PCCA: variants seen among roughly 807,000 people sequenced by gnomAD.
PCCA encodes the protein propionyl-CoA carboxylase alpha chain, mitochondrial.
Under a neutral mutation model 101.3 loss-of-function variants are expected in PCCA, and 74 were observed. The observed-to-expected ratio is 0.73, with a 90% CI of 0.61 to 0.89. PCCA has a LOEUF of 0.89. Among genes scored for constraint, PCCA ranks in the 40% least tolerant of loss-of-function variants. The pLI is 0.00. For synonymous variants in PCCA, 294 were observed against 313.6 expected (o/e 0.94, Z 0.66); for missense variants, 891 against 907.0 (o/e 0.98, Z 0.23).
intron 18 of PCCA, among the ~76,000 whole-genome samples, chr13:100,341,910 A>G (rs1430413773): frequency 2.7e-5 from 4 of 145,642 alleles, no homozygotes; most frequent in African/African-American, 2.6e-5. Context: ...CTGTAATCCC[A>G]TAATTATTCA....
Position 100,214,433 on chromosome 13 carries a change from G to GT in PCCA, c.600+4981dup, listed in dbSNP as rs1328567731. Among the ~76,000 whole-genome samples, 486 of 143,704 alleles carry GT rather than the reference G, an allele frequency of 3.4e-3. 2 individuals carry two copies. The highest frequency in any genetic ancestry group is 9.6e-3 in the African/African-American group (378 of 39,430). 94.3% of individuals were successfully genotyped at this position (143,704 alleles called of 152,430 possible). A position where few individuals can be genotyped will look rare whatever the true frequency, so the allele number is the denominator to read the frequency against. On this transcript the variant is annotated intron_variant, in intron 7 of 23. Transcript: ENST00000376285. ...TGTTTTTTTGTGTGTGTGTGTGTGTGTTTTTTTTTTTAGATGGAACCTCGC... is the reference window on the plus strand; with the variant it reads ...TGTTTTTTTGTGTGTGTGTGTGTGTGTTTTTTTTTTTTAGATGGAACCTCGC...
intron 19 of PCCA, among the ~76,000 whole-genome samples, chr13:100,386,389 T>C (rs1366426518): frequency 6.6e-6 from 1 of 152,194 alleles, no homozygotes; most frequent in Non-Finnish European, 1.5e-5. Context: ...TTTCTTTTTT[T>C]TTAAGACGGA....
intron 22 of PCCA, among the ~76,000 whole-genome samples, chr13:100,520,499 G>A (rs1461677163): frequency 1.3e-5 from 2 of 151,754 alleles, no homozygotes; most frequent in Non-Finnish European, 2.9e-5. Flanking sequence ...GCCGGGCGCA[G>A]TGGCGGGCGC....
At chr13:100,145,188 T>A (rs550230804) in intron 4 of PCCA, among the ~76,000 whole-genome samples, 10 of 152,278 alleles carry the variant, frequency 6.6e-5, no homozygotes, top group Admixed American at 1.3e-4. Flanking sequence ...GGTAAAAGAA[T>A]CCCAACCTAA....
chr13:100,227,024 G>T (rs1470701205), intron 7 of PCCA, among the ~76,000 whole-genome samples: 1 of 152,186 alleles, frequency 6.6e-6, no homozygotes, highest in African/African-American at 2.4e-5. Context: ...TTTTCTTTGA[G>T]ACGAAGTCTT....
intron 4 of PCCA, among the ~76,000 whole-genome samples, chr13:100,112,576 CTTTTTTTT>C (rs5806149): frequency 8.1e-6 from 1 of 124,036 alleles, no homozygotes; most frequent in East Asian, 2.5e-4. Context: ...CACAGCAGGC[CTTTTTTTT>C]TTTTTTTTTT....
At chr13:100,502,147 A>G (rs752944543) in intron 21 of PCCA, among the ~76,000 whole-genome samples, 11 of 152,114 alleles carry the variant, frequency 7.2e-5, no homozygotes, top group Non-Finnish European at 1.5e-4. Flanking sequence ...CCTATTTCTG[A>G]TTGTAAATTC....
intron 6 of PCCA, among the ~76,000 whole-genome samples, chr13:100,185,288 T>G (rs1273852270): frequency 6.6e-6 from 1 of 152,176 alleles, no homozygotes; most frequent in Admixed American, 6.5e-5. Flanking sequence ...ATCATATAGT[T>G]AAAAAAATTT....
At position 100,302,962 on chromosome 13, in the gene PCCA, A is replaced by G; in HGVS notation, c.1248A>G (p.Arg416=). Residue 416 remains arginine (R), a synonymous_variant, in exon 14 of 24, where the codon AGA becomes AGG. Transcript: ENST00000376285. ...CTTTTGGTTTACCATCTATTGGGAG[A>G]TTGTCTCAGTACCAAGAACCGTTAC... is the stretch of plus-strand genomic sequence containing the variant. ...YKSFGLPSIG[R]LSQYQEPLHL... 1 of 1,607,054 alleles carries G rather than the reference A, an allele frequency of 6.2e-7. No individual in the cohort carries two copies. Among genetic ancestry groups the G allele is most frequent in the South Asian group, 1.1e-5 (1 of 90,952 alleles).
intron 19 of PCCA, among the ~76,000 whole-genome samples, chr13:100,419,650 G>A (rs891200939): frequency 3.3e-5 from 5 of 152,226 alleles, no homozygotes. Context: ...GAGCTATGGA[G>A]TCGTGCATGT....
chr13:100,381,440 C>G (rs570847817), intron 19 of PCCA, among the ~76,000 whole-genome samples: 1 of 151,440 alleles, frequency 6.6e-6, no homozygotes, highest in African/African-American at 2.4e-5. Flanking sequence ...TTGAAACCTT[C>G]AAATGCTATT....
intron 19 of PCCA, among the ~76,000 whole-genome samples, chr13:100,371,123 A>G (rs1181481058): frequency 6.6e-6 from 1 of 152,232 alleles, no homozygotes; most frequent in Non-Finnish European, 1.5e-5. Flanking sequence ...TCTTTACATC[A>G]TCCTGTTCCA....
rs560330660 is a variant in PCCA, at chr13:100,240,857, G to T, written c.637+4979G>T. Among the ~76,000 whole-genome samples, 4 of 152,038 alleles carry T rather than the reference G, an allele frequency of 2.6e-5. No homozygotes were observed. The East Asian group carries it at 7.7e-4, about 29-fold the overall frequency. ...GAATTCAGTATTTGTATACAGTTTT[G>T]TTATTTTGATGCCAAATTTGCACAC... On this transcript the variant is annotated intron_variant, in intron 8 of 23. Transcript: ENST00000376285.
intron 21 of PCCA, among the ~76,000 whole-genome samples, chr13:100,457,914 A>G (rs1056321605): frequency 6.6e-6 from 1 of 152,036 alleles, no homozygotes; most frequent in Admixed American, 6.6e-5. Context: ...GTTCCTTCTG[A>G]AGAGTGGCAG....
intron 6 of PCCA, among the ~76,000 whole-genome samples, chr13:100,202,168 CAAAAAAAA>C (rs10678691): frequency 1.0e-5 from 1 of 96,804 alleles, no homozygotes; most frequent in African/African-American, 3.8e-5. Context: ...CATCTCTACC[CAAAAAAAA>C]AAAAAAAAAA....
chr13:100,359,416 A>C (rs1428464051), intron 18 of PCCA, among the ~76,000 whole-genome samples: 2 of 152,228 alleles, frequency 1.3e-5, no homozygotes, highest in African/African-American at 4.8e-5. Context: ...TACAGAGGTC[A>C]TAATTGTTTG....
intron 11 of PCCA, among the ~76,000 whole-genome samples, chr13:100,270,883 C>T (rs2063269053): frequency 6.6e-6 from 1 of 152,044 alleles, no homozygotes; most frequent in Non-Finnish European, 1.5e-5. Flanking sequence ...GTGGCATATG[C>T]CTATAGTTCC....
chr13:100,272,116 G>A lies in PCCA; in HGVS notation c.915-1080G>A, dbSNP rs561180287. Among the ~76,000 whole-genome samples the A allele has an allele frequency of 7.2e-5, 11 of 152,252 alleles. No homozygotes were observed. The South Asian group carries it at 2.3e-3, about 32-fold the overall frequency. ...TTTGATGATATTTTTTTCAGGGTTT[G>A]TTGAAGTCATTTTAGCTTAACTTGC... On this transcript the variant is annotated intron_variant, in intron 11 of 23. Transcript: ENST00000376285.
chr13:100,308,677 A>C (rs1443287635), intron 15 of PCCA, among the ~76,000 whole-genome samples: 3 of 152,140 alleles, frequency 2.0e-5, no homozygotes. Flanking sequence ...TTATTAGAGA[A>C]CCACCATTTA....
Sources: allele counts gnomAD v4.1 joint callset (sites outside exome capture counted in the v4.1 genomes callset), GRCh38; gene constraint gnomAD v4.1.1; transcripts MANE v1.5; gene names NCBI Gene and HGNC (gene_info 2026-07-23, HGNC 2026-07-21).